FHDC1: variants seen among roughly 807,000 people sequenced by gnomAD.
The protein encoded by FHDC1 is FH2 domain containing 1.
A neutral mutation model predicts 52.6 loss-of-function variants in FHDC1; 25 were observed. That is an observed-to-expected ratio of 0.48 (90% CI 0.35 to 0.66). The LOEUF (loss-of-function observed/expected upper bound fraction) is 0.66. FHDC1 is among the 30% of genes least tolerant of loss of function. The probability of loss-of-function intolerance (pLI) is 0.01; values close to 1 mark genes in which losing one functional copy is unlikely to be tolerated. For missense variants in FHDC1, 1,459 were observed against 1,452.8 expected (o/e 1.00, Z -0.07); for synonymous variants, 616 against 581.5 (o/e 1.06, Z -0.85).
upstream of FHDC1, among the ~76,000 whole-genome samples, chr4:152,932,279 A>C (rs755437973): frequency 2.0e-5 from 3 of 152,158 alleles, no homozygotes; most frequent in Non-Finnish European, 4.4e-5. Flanking sequence ...TTTTCAGTTC[A>C]AAAGTTGTTT....
At chr4:152,964,024 C>T (rs2149954352) in intron 8 of FHDC1, among the ~76,000 whole-genome samples, 1 of 152,058 alleles carries the variant, frequency 6.6e-6, no homozygotes, top group East Asian at 1.9e-4. Flanking sequence ...CAGGACAGGA[C>T]TGGGAGATTT....
chr4:152,949,167 AAGAAGC>A (rs1276502800), intron 2 of FHDC1, among the ~76,000 whole-genome samples: 3 of 146,568 alleles, frequency 2.0e-5, no homozygotes, highest in Non-Finnish European at 3.0e-5. Flanking sequence ...GAAGAAGAAG[AAGAAGC>A]AGAAGAAGAA....
the FHDC1 span, among the ~76,000 whole-genome samples, chr4:152,921,327 T>C: frequency 6.6e-6 from 1 of 152,134 alleles, no homozygotes; most frequent in South Asian, 2.1e-4. Flanking sequence ...GTATCCATTA[T>C]TTAACTTAAT....
At chr4:152,963,402 C>T (rs1740344449) in intron 8 of FHDC1, among the ~76,000 whole-genome samples, 2 of 152,166 alleles carry the variant, frequency 1.3e-5, no homozygotes, top group South Asian at 4.1e-4. Context: ...ATTTGGATTT[C>T]ATGCTTTAGC....
At chr4:152,935,652 CAA>C (rs1376934950), upstream of FHDC1, among the ~76,000 whole-genome samples, 4 of 152,074 alleles carry the variant, frequency 2.6e-5, no homozygotes, top group Non-Finnish European at 5.9e-5. Flanking sequence ...AAAACGGTAA[CAA>C]ATTTACAGCT....
the FHDC1 span, chr4:152,927,930 C>T: frequency 1.4e-6 from 2 of 1,448,150 alleles, no homozygotes; most frequent in Non-Finnish European, 9.7e-7. Context: ...CGTAAGAGCT[C>T]AGAGAGTGAC....
intron 10 of FHDC1, among the ~76,000 whole-genome samples, chr4:152,971,953 G>A (rs560173867): frequency 5.3e-5 from 8 of 152,256 alleles, no homozygotes; most frequent in South Asian, 2.1e-4. Flanking sequence ...TCAGTAGAGC[G>A]AGTAGCTTCA....
chr4:152,950,056 C>A (rs1348660355), intron 2 of FHDC1, among the ~76,000 whole-genome samples: 1 of 152,110 alleles, frequency 6.6e-6, no homozygotes, highest in African/African-American at 2.4e-5. Context: ...CACTCATTGG[C>A]TGGGTTTGTT....
chr4:152,922,704 T>C, the FHDC1 span, among the ~76,000 whole-genome samples: 1 of 152,134 alleles, frequency 6.6e-6, no homozygotes. Flanking sequence ...TGGTTCAATA[T>C]ACGCAAATCA....
chr4:152,925,893 GGAGGGA>G, the FHDC1 span, among the ~76,000 whole-genome samples: 4 of 150,046 alleles, frequency 2.7e-5, no homozygotes, highest in Non-Finnish European at 4.5e-5. Context: ...AGGAGGAGGA[GGAGGGA>G]GAAGGAGAAG....
chr4:152,927,592 T>C, the FHDC1 span: 16 of 1,605,352 alleles, frequency 1.0e-5, no homozygotes, highest in African/African-American at 2.7e-5. Context: ...AGGAGGTTTA[T>C]GACCCTCGAT....
chr4:152,943,253 C>A lies in FHDC1; in HGVS notation c.196C>A (p.Leu66Ile). 6.2e-7 allele frequency: 1 copy of A among 1,606,464 alleles called. No individual in the cohort carries two copies. Among genetic ancestry groups the A allele is most frequent in the Non-Finnish European group, 8.5e-7 (1 of 1,175,866 alleles). ...SSPPPPPPPP[L>I]PGEPPIPPPP... ...CCCTCCTCCACCCCCACCACCTCCA[C>A]TTCCTGGGGAGCCTCCCATCCCACC... Residue 66 changes from leucine to isoleucine, a missense_variant, in exon 2 of 12, where the codon CTT (leucine) becomes ATT (isoleucine). By Grantham distance (5) the Leu-to-Ile change is conservative (BLOSUM62 2). Transcript: ENST00000511601.
intron 8 of FHDC1, among the ~76,000 whole-genome samples, chr4:152,963,792 T>G (rs1157455764): frequency 3.1e-5 from 4 of 130,088 alleles, no homozygotes; most frequent in South Asian, 2.4e-4. Context: ...TTTTTTTTTT[T>G]TTTTTTTTTT....
At chr4:152,972,568 G>A (rs763483032) in intron 11 of FHDC1, 27 bp downstream of exon 11, 1 of 1,580,702 alleles carries the variant, frequency 6.3e-7, no homozygotes, top group African/African-American at 1.4e-5. Context: ...CTGTGTCTTG[G>A]GGTTGTTTGG....
At chr4:152,936,081 G>A (rs1394024625), upstream of FHDC1, among the ~76,000 whole-genome samples, 1 of 151,982 alleles carries the variant, frequency 6.6e-6, no homozygotes, top group Non-Finnish European at 1.5e-5. Context: ...CAGCCTTCGG[G>A]TGCGGGAAGC....
rs142264777 is a variant in FHDC1 at position 152,962,623 on chromosome 4, C to T, written c.851-191C>T. On this transcript the variant is annotated intron_variant, in intron 6 of 11. Coordinates refer to ENST00000511601, the MANE Select transcript of FHDC1 (RefSeq NM_001371116.1). ...TGATTTCCAAGTAAACACTATGACA[C>T]GGATTGCCGGTAGCAAATGATGTGT... Among the ~76,000 whole-genome samples, 70 of 152,286 alleles carry T rather than the reference C, an allele frequency of 4.6e-4. 1 individual carries two copies. The highest frequency in any genetic ancestry group is 1.5e-3 in the African/African-American group (61 of 41,564).
Position 152,968,106 on chromosome 4 carries a change from G to A in FHDC1, c.1218+9G>A, listed in dbSNP as rs1338418570. 2 of 1,604,644 alleles carry A rather than the reference G, an allele frequency of 1.2e-6. No individual in the cohort carries two copies. The highest frequency in any genetic ancestry group is 1.7e-6 in the Non-Finnish European group (2 of 1,172,426). On this transcript the variant is annotated intron_variant, in intron 10 of 11. Coordinates refer to ENST00000511601, the MANE Select transcript of FHDC1 (RefSeq NM_001371116.1). ...TGGAAGATTTTCTTCAGGTTTGTAG[G>A]TGACTCAAGTCAGTCCCTCTAATCT...
chr4:152,976,550 A>G lies in FHDC1; in HGVS notation c.3259A>G (p.Arg1087Gly). The change falls in exon 12 of 12, where the codon AGG becomes GGG. Residue 1087 changes from arginine (R) to glycine (G), a missense_variant. By Grantham distance (125) the Arg-to-Gly change is moderately radical. Transcript: ENST00000511601. ...DAAPKDSSTL[R>G]RASSARAPKK... ...CGCTCCCAAGGACAGCAGCACTTTG[A>G]GGCGAGCCAGCAGTGCCCGGGCCCC... The G allele has an allele frequency of 6.2e-7, 1 of 1,612,914 alleles. No individual in the cohort carries two copies. The highest frequency in any genetic ancestry group is 1.7e-5 in the Admixed American group (1 of 60,008).
At chr4:152,955,383 A>T (rs762912016) in intron 4 of FHDC1, among the ~76,000 whole-genome samples, 6 of 152,266 alleles carry the variant, frequency 3.9e-5, no homozygotes, top group Non-Finnish European at 7.3e-5. Context: ...TTTCTAAGGA[A>T]AAAATTCCTT....
Sources: allele counts gnomAD v4.1 joint callset (sites outside exome capture counted in the v4.1 genomes callset), GRCh38; gene constraint gnomAD v4.1.1; transcripts MANE v1.5; gene names NCBI Gene and HGNC (gene_info 2026-07-23, HGNC 2026-07-21).